Variants in MCL1 observed in about 807,000 individuals in gnomAD.
The protein encoded by MCL1 is induced myeloid leukemia cell differentiation protein Mcl-1.
MCL1 carries 4 observed loss-of-function variants against 24.2 expected under a neutral mutation model. That is an observed-to-expected ratio of 0.17 (90% CI 0.08 to 0.38). The LOEUF is 0.38. MCL1 is among the 10% of genes least tolerant of loss of function. The probability of loss-of-function intolerance (pLI) is 1.00; values close to 1 mark genes in which losing one functional copy is unlikely to be tolerated. For missense variants in MCL1, 529 were observed against 480.3 expected (o/e 1.10, Z -0.95); for synonymous variants, 248 against 214.0 (o/e 1.16, Z -1.39).
In MCL1 at chr1:150,579,133, G is replaced by A. The variant is rs758375227; in HGVS notation, c.398C>T (p.Pro133Leu). The change falls in exon 1 of 3, where the codon CCT becomes CTT. Residue 133 changes from proline to leucine, a missense_variant. By Grantham distance (98) the Pro-to-Leu change is moderately conservative. Transcript: ENST00000369026. Reference sequence around the variant, plus strand: ...CAGGACAGCCGGCCGCTTCCCGAGAGGCTCCGGCTCGTACCCGTCCAGCTC... The same window carrying A: ...CAGGACAGCCGGCCGCTTCCCGAGAAGCTCCGGCTCGTACCCGTCCAGCTC... ...EEELDGYEPE[P>L]LGKRPAVLPL... The A allele has an allele frequency of 6.2e-7, 1 of 1,612,544 alleles. No individual in the cohort carries two copies. Among genetic ancestry groups the A allele is most frequent in the South Asian group, 1.1e-5 (1 of 91,084 alleles).
In MCL1 at chr1:150,579,076, T is replaced by C. The variant is rs779873561; in HGVS notation, c.455A>G (p.Asn152Ser). Reference sequence around the variant, plus strand: ...TAGTGACCCGTCCGTACTGGTGTTATTACCAGATTCCCCGACCAACTCCAG... The same window carrying C: ...TAGTGACCCGTCCGTACTGGTGTTACTACCAGATTCCCCGACCAACTCCAG... ...PLLELVGESG[N>S]NTSTDGSLPS... The change falls in exon 1 of 3, where the codon AAT becomes AGT. Residue 152 changes from asparagine to serine, a missense_variant. By Grantham distance (46) the Asn-to-Ser change is conservative. Transcript: ENST00000369026. The C allele has an allele frequency of 3.5e-5, 56 of 1,613,076 alleles. No individual in the cohort carries two copies. The highest frequency in any genetic ancestry group is 1.6e-4 in the Middle Eastern group (1 of 6,084).
Position 150,575,661 on chromosome 1 carries a change from CCTG to C in MCL1, c.*1711_*1713del, listed in dbSNP as rs1479054659. On this transcript the variant is annotated 3_prime_UTR_variant, in exon 3 of 3. Transcript: ENST00000369026. Reference sequence around the variant, plus strand: ...TGTCACAGCACCCATGGTATTACCACCTGCTAACAGGATCAAGTTCGTGAAAGA... The same window carrying C: ...TGTCACAGCACCCATGGTATTACCACCTAACAGGATCAAGTTCGTGAAAGA... The C allele has an allele frequency of 4.3e-6, 1 of 232,986 alleles. No individual in the cohort carries two copies. The highest frequency in any genetic ancestry group is 8.5e-6 in the Non-Finnish European group (1 of 117,998). The allele number at this position is 232,986 out of a possible 1,614,324, so 14.4% of individuals were successfully genotyped here. A position where few individuals can be genotyped will look rare whatever the true frequency, so the allele number is the denominator to read the frequency against.
At chr1:150,578,565 C>T (rs1458768499) in intron 1 of MCL1, 74 bp from the exon 2 acceptor site, 2 of 1,569,386 alleles carry the variant, frequency 1.3e-6, no homozygotes, top group East Asian at 2.2e-5. Flanking sequence ...TGCCCACCCG[C>T]GGCGGGAAAA....
At position 150,576,938 on chromosome 1, in the gene MCL1, T is replaced by C. The variant is rs1253655793; in HGVS notation, c.*437A>G. ...CTGAGGCTTACAGTCATAGTTCTAT[T>C]ACTTGTAACTTTTACACAGGTCACT... is the stretch of plus-strand genomic sequence containing the variant. On this transcript the variant is annotated 3_prime_UTR_variant, in exon 3 of 3. Coordinates refer to ENST00000369026, the MANE Select transcript of MCL1 (RefSeq NM_021960.5). The C allele has an allele frequency of 4.0e-6, 1 of 253,128 alleles. No homozygotes were observed. Among genetic ancestry groups the C allele is most frequent in the East Asian group, 5.8e-5 (1 of 17,388 alleles). The allele number at this position is 253,128 out of a possible 1,614,324, so 15.7% of individuals were successfully genotyped here.
In MCL1 at chr1:150,579,443, G is replaced by A. The variant is rs771486484; in HGVS notation, c.88C>T (p.Arg30Cys). The A allele has an allele frequency of 1.3e-6, 2 of 1,590,504 alleles. No individual in the cohort carries two copies. The highest frequency in any genetic ancestry group is 1.7e-6 in the Non-Finnish European group (2 of 1,170,576). ...GTAGCCAAAAGTCGCCCTCCCGGGC[G>A]GGTGGCGCCGCCGCTGCCGGCCCCC... ...GLGAGSGGATRPGGRLLATEK... is the reference protein window; with the variant it reads ...GLGAGSGGATCPGGRLLATEK... Residue 30 changes from arginine to cysteine, a missense_variant, in exon 1 of 3, where the codon CGC (arginine) becomes TGC (cysteine). Transcript: ENST00000369026.
rs370931690 is a variant in MCL1 at position 150,578,410 on chromosome 1, C to T, written c.770G>A (p.Gly257Asp). ...CACAATCCTGCCCCAGTTTGTTACGCCGTCGCTGAAAACATGGATCATCAC... is the reference window on the plus strand; with the variant it reads ...CACAATCCTGCCCCAGTTTGTTACGTCGTCGCTGAAAACATGGATCATCAC... ...SRVMIHVFSD[G>D]VTNWGRIVTL... The change falls in exon 2 of 3, where the codon GGC becomes GAC. Residue 257 changes from glycine to aspartate, a missense_variant. Physicochemically the swap from Gly to Asp is moderately conservative, Grantham distance 94 (BLOSUM62 -1). Transcript: ENST00000369026. 3 of 1,614,100 alleles carry T rather than the reference C, an allele frequency of 1.9e-6. No homozygotes were observed. The highest frequency in any genetic ancestry group is 1.3e-5 in the African/African-American group (1 of 74,936).
chr1:150,575,977 A>G lies in MCL1; in HGVS notation c.*1398T>C, dbSNP rs1456530180. The G allele has an allele frequency of 2.6e-5, 6 of 233,554 alleles. No individual in the cohort carries two copies. Among genetic ancestry groups the G allele is most frequent in the Non-Finnish European group, 4.2e-5 (5 of 118,058 alleles). The allele number at this position is 233,554 out of a possible 1,614,324, so 14.5% of individuals were successfully genotyped here. On this transcript the variant is annotated 3_prime_UTR_variant, in exon 3 of 3. Coordinates refer to ENST00000369026, the MANE Select transcript of MCL1 (RefSeq NM_021960.5). Reference sequence around the variant, plus strand: ...GAATCATTAATAGAAACAAAACAGTAAGTATTTGCTTTATTGACATACTAG... The same window carrying G: ...GAATCATTAATAGAAACAAAACAGTGAGTATTTGCTTTATTGACATACTAG...
In MCL1 at chr1:150,576,964, G is replaced by A. The variant is rs1647834755; in HGVS notation, c.*411C>T. Reference sequence around the variant, plus strand: ...ACTTGTAACTTTTACACAGGTCACTGGCATTCTTAGTGCTTCTCTTAACAC... The same window carrying A: ...ACTTGTAACTTTTACACAGGTCACTAGCATTCTTAGTGCTTCTCTTAACAC... On this transcript the variant is annotated 3_prime_UTR_variant, in exon 3 of 3. Transcript: ENST00000369026. The A allele has an allele frequency of 1.1e-5, 3 of 265,084 alleles. No individual in the cohort carries two copies. The South Asian group carries it at 2.6e-4, about 23-fold the overall frequency. 16.4% of individuals were successfully genotyped at this position (265,084 alleles called of 1,614,324 possible).
rs934393359 is a variant in MCL1, at chr1:150,575,976, T to G, written c.*1399A>C. 1 of 233,496 alleles carries G rather than the reference T, an allele frequency of 4.3e-6. No homozygotes were observed. The highest frequency in any genetic ancestry group is 2.2e-5 in the African/African-American group (1 of 45,316). The allele number at this position is 233,496 out of a possible 1,614,324, so 14.5% of individuals were successfully genotyped here. On this transcript the variant is annotated 3_prime_UTR_variant, in exon 3 of 3. Transcript: ENST00000369026. Reference sequence around the variant, plus strand: ...GGAATCATTAATAGAAACAAAACAGTAAGTATTTGCTTTATTGACATACTA... The same window carrying G: ...GGAATCATTAATAGAAACAAAACAGGAAGTATTTGCTTTATTGACATACTA...
At chr1:150,578,555 T>G in intron 1 of MCL1, 64 bp from the exon 2 acceptor site, 1 of 1,584,486 alleles carries the variant, frequency 6.3e-7, no homozygotes, top group Non-Finnish European at 8.6e-7. Flanking sequence ...AAGATTCGCC[T>G]GCCCACCCGC....
In MCL1 at chr1:150,579,348, G is replaced by C; in HGVS notation, c.183C>G (p.Ala61=). ...GEAGAVIGGS[A]GASPPSTLTP... is the part of the protein sequence containing the mutation. ...TGAGGGTGGACGGGGGGCTTGCGCC[G>C]GCGCTTCCGCCAATCACCGCGCCGG... The change falls in exon 1 of 3, where the codon GCC becomes GCG. Residue 61 remains alanine, a synonymous_variant. Transcript: ENST00000369026. 6.8e-7 allele frequency: 1 copy of C among 1,472,712 alleles called. No homozygotes were observed. Among genetic ancestry groups the C allele is most frequent in the Non-Finnish European group, 8.9e-7 (1 of 1,120,222 alleles). The allele number at this position is 1,472,712 out of a possible 1,614,324, so 91.2% of individuals were successfully genotyped here. A position where few individuals can be genotyped will look rare whatever the true frequency, so the allele number is the denominator to read the frequency against.
rs764320835 is a variant in MCL1 at position 150,577,352 on chromosome 1, C to T, written c.*23G>A. Reference sequence around the variant, plus strand: ...GTGGTGGTGGTGGTTGGTTAAAAGTCAACTATTGCACTTACAGTAAGGCTA... The same window carrying T: ...GTGGTGGTGGTGGTTGGTTAAAAGTTAACTATTGCACTTACAGTAAGGCTA... On this transcript the variant is annotated 3_prime_UTR_variant, in exon 3 of 3. Coordinates refer to ENST00000369026, the MANE Select transcript of MCL1 (RefSeq NM_021960.5). 1 of 1,608,146 alleles carries T rather than the reference C, an allele frequency of 6.2e-7. No individual in the cohort carries two copies. Among genetic ancestry groups the T allele is most frequent in the Non-Finnish European group, 8.5e-7 (1 of 1,177,920 alleles).
At position 150,578,154 on chromosome 1, in the gene MCL1, TAAA is replaced by T. The variant is rs1475624199; in HGVS notation, c.936+87_936+89del. On this transcript the variant is annotated intron_variant, in intron 2 of 2. Coordinates refer to ENST00000369026, the MANE Select transcript of MCL1 (RefSeq NM_021960.5). ...AGAGCCTGCAAACAGCCGTGCGTCA[TAAA>T]AACCTTTAGATATCCCCACCTCTCT... 6.2e-6 allele frequency: 9 copies of T among 1,442,142 alleles called. No homozygotes were observed. In the Admixed American group the frequency reaches 8.7e-5, roughly 14 times the overall value. The allele number at this position is 1,442,142 out of a possible 1,614,324, so 89.3% of individuals were successfully genotyped here. A position where few individuals can be genotyped will look rare whatever the true frequency, so the allele number is the denominator to read the frequency against.
In MCL1 at chr1:150,577,337, T is replaced by TG. The variant is rs767628417; in HGVS notation, c.*37dup. On this transcript the variant is annotated 3_prime_UTR_variant, in exon 3 of 3. Transcript: ENST00000369026. ...CATAAACTGGTTTTGGTGGTGGTGG[T>TG]GGTTGGTTAAAAGTCAACTATTGCA... The TG allele has an allele frequency of 2.5e-6, 4 of 1,606,332 alleles. No homozygotes were observed. In the South Asian group the frequency reaches 4.4e-5, roughly 18 times the overall value.
Position 150,576,382 on chromosome 1 carries a change from C to T in MCL1, c.*993G>A, listed in dbSNP as rs1190642382. ...AAGTGAAAGAATTTCCATTCATCAA[C>T]CTCTCAATCCCAGGTTTTCAAAGAA... On this transcript the variant is annotated 3_prime_UTR_variant, in exon 3 of 3. Transcript: ENST00000369026. The T allele has an allele frequency of 4.5e-6, 1 of 222,010 alleles. No homozygotes were observed. The highest frequency in any genetic ancestry group is 8.7e-6 in the Non-Finnish European group (1 of 115,216). The allele number at this position is 222,010 out of a possible 1,614,324, so 13.8% of individuals were successfully genotyped here.
rs759789515 is a variant in MCL1, at chr1:150,579,015, G to GTCC, written c.513_515dup (p.Glu171dup). On this transcript the variant is annotated inframe_insertion, in exon 1 of 3. Transcript: ENST00000369026. ...TCTCCAGCGACTGCCGGTACAACTC[G>GTCC]TCCTCCTCCTCCTCTGCTGGCGGCG... is the stretch of plus-strand genomic sequence containing the variant. 35 of 1,613,444 alleles carry GTCC rather than the reference G, an allele frequency of 2.2e-5. No homozygotes were observed. The highest frequency in any genetic ancestry group is 2.7e-5 in the Non-Finnish European group (32 of 1,180,010).
chr1:150,578,929 C>A lies in MCL1; in HGVS notation c.602G>T (p.Arg201Met), dbSNP rs1184313814. The A allele has an allele frequency of 6.2e-7, 1 of 1,613,692 alleles. No homozygotes were observed. The highest frequency in any genetic ancestry group is 1.7e-5 in the Admixed American group (1 of 60,008). ...TGAKDTKPMG[R>M]SGATSRKALE... The stretch of plus-strand genomic sequence containing the variant: ...CGCCTTCCTGCTGGTGGCCCCAGAC[C>A]TGCCCATTGGCTTTGTGTCCTTGGC... Residue 201 changes from arginine to methionine, a missense_variant, in exon 1 of 3, where the codon AGG becomes ATG. By Grantham distance (91) the Arg-to-Met change is moderately conservative. Transcript: ENST00000369026.
rs1158405602 is a variant in MCL1 at position 150,575,541 on chromosome 1, T to C, written c.*1834A>G. The stretch of plus-strand genomic sequence containing the variant: ...CCTCTGAAAATTCCTGAGGGGACTT[T>C]TGACACATTGCCCCCAAAGACAGGA... On this transcript the variant is annotated 3_prime_UTR_variant, in exon 3 of 3. Coordinates refer to ENST00000369026, the MANE Select transcript of MCL1 (RefSeq NM_021960.5). 4.3e-6 allele frequency: 1 copy of C among 233,076 alleles called. No homozygotes were observed. Among genetic ancestry groups the C allele is most frequent in the Non-Finnish European group, 8.5e-6 (1 of 117,992 alleles). The allele number at this position is 233,076 out of a possible 1,614,324, so 14.4% of individuals were successfully genotyped here. A position where few individuals can be genotyped will look rare whatever the true frequency, so the allele number is the denominator to read the frequency against.
At position 150,576,841 on chromosome 1, in the gene MCL1, G is replaced by A. The variant is rs1570980331; in HGVS notation, c.*534C>T. 1 of 233,162 alleles carries A rather than the reference G, an allele frequency of 4.3e-6. No homozygotes were observed. Among genetic ancestry groups the A allele is most frequent in the Non-Finnish European group, 8.5e-6 (1 of 117,794 alleles). The allele number at this position is 233,162 out of a possible 1,614,324, so 14.4% of individuals were successfully genotyped here. On this transcript the variant is annotated 3_prime_UTR_variant, in exon 3 of 3. Transcript: ENST00000369026. ...AAAGTATAACAGGTATAAAAGTCCT[G>A]AACACTTGGACTTTCTAAGAAGTAT...
Sources: allele counts gnomAD v4.1 joint callset, GRCh38; gene constraint gnomAD v4.1.1; transcripts MANE v1.5; gene names NCBI Gene and HGNC (gene_info 2026-07-23, HGNC 2026-07-21).